PLCB1: variants seen among roughly 807,000 people sequenced by gnomAD.
PLCB1 encodes phospholipase C beta 1.
A neutral mutation model predicts 161.8 loss-of-function variants in PLCB1; 46 were observed. The ratio of observed to expected loss-of-function variants is 0.28; its 90% CI spans 0.22 to 0.36. PLCB1 has a LOEUF of 0.36. PLCB1 is among the 10% of genes least tolerant of loss of function. PLCB1 has a pLI of 1.00. For missense variants in PLCB1, 1,016 were observed against 1,472.5 expected, an observed-to-expected ratio of 0.69 and a Z score of 5.07; for synonymous variants, 517 against 503.7, an observed-to-expected ratio of 1.03 and a Z score of -0.35.
At chr20:8,536,158 T>C (rs1222873145) in intron 3 of PLCB1, among the ~76,000 whole-genome samples, 3 of 152,118 alleles carry the variant, frequency 2.0e-5, no homozygotes, top group African/African-American at 7.2e-5. Context: ...GATGAGGGGA[T>C]AATGGAGAAA....
At chr20:8,167,011 C>T (rs1205250851) in intron 2 of PLCB1, among the ~76,000 whole-genome samples, 3 of 152,124 alleles carry the variant, frequency 2.0e-5, no homozygotes, top group Non-Finnish European at 2.9e-5. Context: ...TGTCCTTGTC[C>T]GTGTTTAAGA....
chr20:8,166,864 A>G (rs2051680861), intron 2 of PLCB1, among the ~76,000 whole-genome samples: 1 of 152,024 alleles, frequency 6.6e-6, no homozygotes, highest in African/African-American at 2.4e-5. Context: ...CTTGGAACAC[A>G]TGTTTTCTCC....
At chr20:8,161,305 TTACACATATA>T (rs1235035200) in intron 2 of PLCB1, among the ~76,000 whole-genome samples, 1 of 152,220 alleles carries the variant, frequency 6.6e-6, no homozygotes, top group Non-Finnish European at 1.5e-5. Context: ...GTGTGTATAC[TTACACATATA>T]TATAGTGTGT....
Position 8,729,188 on chromosome 20 carries a change from T to G in PLCB1, c.1888+14T>G. ...TCCAGACAATGGGTAAGTACATGCT[T>G]GTTCCCATTCTGCTATGAACTCACA... On this transcript the variant is annotated intron_variant, in intron 18 of 31. Transcript: ENST00000338037. The G allele has an allele frequency of 6.3e-7, 1 of 1,590,956 alleles. No homozygotes were observed. The highest frequency in any genetic ancestry group is 8.6e-7 in the Non-Finnish European group (1 of 1,168,040).
At chr20:8,361,933 C>T (rs893775804) in intron 2 of PLCB1, among the ~76,000 whole-genome samples, 13 of 152,136 alleles carry the variant, frequency 8.5e-5, no homozygotes, top group Non-Finnish European at 1.3e-4. Context: ...GTTTTTAGCA[C>T]TTATGAAACT....
At chr20:8,601,377 CT>C (rs1987582197) in intron 3 of PLCB1, among the ~76,000 whole-genome samples, 1 of 152,164 alleles carries the variant, frequency 6.6e-6, no homozygotes, top group Non-Finnish European at 1.5e-5. Flanking sequence ...TCCTCCCACC[CT>C]GCACCCTCTG....
intron 3 of PLCB1, among the ~76,000 whole-genome samples, chr20:8,509,828 A>G (rs921786924): frequency 3.9e-5 from 6 of 152,130 alleles, no homozygotes; most frequent in African/African-American, 9.7e-5. Flanking sequence ...CTTCCTTCTG[A>G]AGTTTCGGGA....
intron 3 of PLCB1, among the ~76,000 whole-genome samples, chr20:8,381,839 T>C (rs928396052): frequency 6.6e-6 from 1 of 152,198 alleles, no homozygotes; most frequent in African/African-American, 2.4e-5. Flanking sequence ...TCTCTTTTCT[T>C]CTTTATTAGT....
chr20:8,541,696 T>C (rs1985339945), intron 3 of PLCB1, among the ~76,000 whole-genome samples: 1 of 152,230 alleles, frequency 6.6e-6, no homozygotes, highest in African/African-American at 2.4e-5. Flanking sequence ...TTGAATAATT[T>C]GTATTTATTT....
chr20:8,195,688 G>A (rs6118103), intron 2 of PLCB1, among the ~76,000 whole-genome samples: 3,881 of 152,124 alleles, frequency 0.026, 184 homozygotes, highest in African/African-American at 0.088. Context: ...TTTAATTGTT[G>A]TGACGTTATT....
intron 11 of PLCB1, among the ~76,000 whole-genome samples, chr20:8,701,951 A>G (rs1255981334): frequency 6.6e-6 from 1 of 152,202 alleles, no homozygotes; most frequent in Non-Finnish European, 1.5e-5. Flanking sequence ...TAATTAGACT[A>G]TATTCTATAG....
intron 23 of PLCB1, among the ~76,000 whole-genome samples, chr20:8,747,333 A>C (rs901056243): frequency 6.6e-6 from 1 of 152,178 alleles, no homozygotes; most frequent in African/African-American, 2.4e-5. Context: ...TTCATTTGCC[A>C]AGCATTCATT....
chr20:8,716,170 A>T, intron 12 of PLCB1, 94 bp from the exon 13 acceptor site: 3 of 859,514 alleles, frequency 3.5e-6, no homozygotes, highest in Non-Finnish European at 5.8e-6. Context: ...TTAGAGAATT[A>T]CTTCTTTCTG....
At chr20:8,412,052 T>C (rs911520100) in intron 3 of PLCB1, among the ~76,000 whole-genome samples, 1 of 151,982 alleles carries the variant, frequency 6.6e-6, no homozygotes, top group Non-Finnish European at 1.5e-5. Flanking sequence ...AGAAGACAAT[T>C]TCCTCAGTAA....
chr20:8,769,202 G>C (rs1228618252), intron 26 of PLCB1, among the ~76,000 whole-genome samples: 1 of 152,092 alleles, frequency 6.6e-6, no homozygotes, highest in Non-Finnish European at 1.5e-5. Flanking sequence ...AGCATTAACA[G>C]AGCGTTGTGT....
At chr20:8,791,005 G>A (rs1983731977) in intron 31 of PLCB1, among the ~76,000 whole-genome samples, 1 of 151,970 alleles carries the variant, frequency 6.6e-6, no homozygotes, top group South Asian at 2.1e-4. Context: ...AAAAAGTACT[G>A]CCATTCCACA....
At chr20:8,678,080 A>G (rs980246272) in intron 9 of PLCB1, among the ~76,000 whole-genome samples, 1 of 152,212 alleles carries the variant, frequency 6.6e-6, no homozygotes, top group Non-Finnish European at 1.5e-5. Flanking sequence ...AAAAACATTT[A>G]GCTAACCGGG....
intron 3 of PLCB1, among the ~76,000 whole-genome samples, chr20:8,452,756 A>C (rs1439801638): frequency 6.6e-6 from 1 of 152,240 alleles, no homozygotes; most frequent in Non-Finnish European, 1.5e-5. Context: ...ATTTTGAAGG[A>C]TGAATAGGAT....
At chr20:8,690,378 G>A (rs1390709456) in intron 10 of PLCB1, among the ~76,000 whole-genome samples, 3 of 152,138 alleles carry the variant, frequency 2.0e-5, no homozygotes, top group Non-Finnish European at 2.9e-5. Flanking sequence ...TAATCCAGAA[G>A]CTAGGATTTT....
Sources: gnomAD v4.1 joint callset for allele counts (sites outside exome capture counted in the v4.1 genomes callset) on GRCh38, gnomAD v4.1.1 for gene constraint, MANE v1.5 for transcripts, NCBI Gene and HGNC (gene_info 2026-07-23, HGNC 2026-07-21) for gene names.